The following CRACR2A variants were observed in gnomAD, a reference collection of about 807,000 sequenced individuals.
CRACR2A encodes the protein calcium release activated channel regulator 2A.
A neutral mutation model predicts 90.5 loss-of-function variants in CRACR2A; 79 were observed. The observed-to-expected ratio is 0.87, with a 90% confidence interval of 0.73 to 1.05. The LOEUF is 1.05. Ranked by LOEUF, CRACR2A falls within the 50% of genes least tolerant of loss-of-function variation. The pLI, the probability that CRACR2A is intolerant of heterozygous loss-of-function variation, is 0.00. For synonymous variants in CRACR2A, 338 were observed against 356.7 expected (o/e 0.95, Z 0.59); for missense variants, 823 against 897.2 (o/e 0.92, Z 1.06).
At chr12:3,666,381 G>A (rs1011650689) in intron 7 of CRACR2A, among the ~76,000 whole-genome samples, 8 of 152,066 alleles carry the variant, frequency 5.3e-5, no homozygotes, top group Non-Finnish European at 1.0e-4. Flanking sequence ...GCGCGCGCAC[G>A]CGCGCACACG....
At chr12:3,738,528 A>G (rs56187382) in intron 1 of CRACR2A, among the ~76,000 whole-genome samples, 23,892 of 152,218 alleles carry the variant, frequency 0.16, 2,076 homozygotes, top group African/African-American at 0.2. Flanking sequence ...GAGCAGATTA[A>G]ATACAGTTTG....
chr12:3,660,877 CACACACACACAA>C (rs1192865589), intron 7 of CRACR2A, among the ~76,000 whole-genome samples: 14 of 110,852 alleles, frequency 1.3e-4, no homozygotes, highest in African/African-American at 3.2e-4. Flanking sequence ...CACACACACA[CACACACACACAA>C]TTTTGGCCCC....
At chr12:3,739,873 G>T (rs1039331309) in intron 1 of CRACR2A, among the ~76,000 whole-genome samples, 1 of 151,050 alleles carries the variant, frequency 6.6e-6, no homozygotes, top group Non-Finnish European at 1.5e-5. Context: ...GTTGGAGGTT[G>T]CAGTGAGCCG....
rs2137768663 is a variant in CRACR2A, at chr12:3,711,292, T to C, written c.-37+1945A>G. Among the ~76,000 whole-genome samples the C allele has an allele frequency of 6.6e-6, 1 of 152,366 alleles. No individual in the cohort carries two copies. The highest frequency in any genetic ancestry group is 1.5e-5 in the Non-Finnish European group (1 of 68,028). On this transcript the variant is annotated intron_variant, in intron 3 of 19. Coordinates refer to ENST00000440314, the MANE Select transcript of CRACR2A (RefSeq NM_001144958.2). This position sits in a 1 kb window ranked among gnomAD's most constrained non-coding sequence, Gnocchi z 4.3. ...TCCAAGTCTTTAAGTTCTCTGCCTT[T>C]GACTCGCAATTTCATCTTAAGTCAT...
intron 7 of CRACR2A, among the ~76,000 whole-genome samples, chr12:3,664,054 C>T (rs544880824): frequency 1.3e-5 from 2 of 152,154 alleles, no homozygotes; most frequent in Non-Finnish European, 2.9e-5. Context: ...AATGACCTTC[C>T]AAGTTTCATT....
At chr12:3,689,739 AT>A (rs548747057) in intron 4 of CRACR2A, among the ~76,000 whole-genome samples, 3 of 148,998 alleles carry the variant, frequency 2.0e-5, no homozygotes, top group Non-Finnish European at 3.0e-5. Flanking sequence ...CTCCTCCTCA[AT>A]TTTTTTTAAT....
chr12:3,680,370 A>G, intron 4 of CRACR2A, 21 bp from the exon 5 acceptor site: 1 of 1,587,550 alleles, frequency 6.3e-7, no homozygotes, highest in African/African-American at 1.3e-5. Flanking sequence ...CCCAGAGTGT[A>G]CTGGTTAACA....
chr12:3,649,876 A>C (rs572265461), intron 10 of CRACR2A, among the ~76,000 whole-genome samples: 1 of 150,976 alleles, frequency 6.6e-6, no homozygotes, highest in South Asian at 2.1e-4. Flanking sequence ...AAGAAAAAAG[A>C]GGAAGGAAAG....
chr12:3,741,918 G>C (rs951198122), intron 1 of CRACR2A, among the ~76,000 whole-genome samples: 4 of 152,224 alleles, frequency 2.6e-5, no homozygotes, highest in African/African-American at 9.7e-5. Flanking sequence ...TAATGAAGTG[G>C]GCACATGTGT....
At chr12:3,682,090 G>A (rs1945465890) in intron 4 of CRACR2A, among the ~76,000 whole-genome samples, 2 of 152,178 alleles carry the variant, frequency 1.3e-5, no homozygotes, top group Admixed American at 1.3e-4. Context: ...TGCAAGCAGG[G>A]ATTTTATTAG....
At chr12:3,743,570 C>T (rs570584562) in intron 1 of CRACR2A, among the ~76,000 whole-genome samples, 58 of 152,226 alleles carry the variant, frequency 3.8e-4, no homozygotes, top group African/African-American at 6.7e-4. Context: ...GTGTCTATAC[C>T]GGGACTAGGT....
At chr12:3,621,485 C>T (rs1944132560) in intron 17 of CRACR2A, among the ~76,000 whole-genome samples, 1 of 148,344 alleles carries the variant, frequency 6.7e-6, no homozygotes, top group Admixed American at 6.7e-5. Flanking sequence ...AACCCTGTCT[C>T]TACTAAAAAT....
rs765987771 is a variant in CRACR2A, at chr12:3,633,541, C to A, written c.1735+63G>T. 6.5e-7 allele frequency: 1 copy of A among 1,547,402 alleles called. No individual in the cohort carries two copies. The highest frequency in any genetic ancestry group is 8.7e-7 in the Non-Finnish European group (1 of 1,144,070). On this transcript the variant is annotated intron_variant, in intron 15 of 19. Coordinates refer to ENST00000440314, the MANE Select transcript of CRACR2A (RefSeq NM_001144958.2). The surrounding 1 kb of genome is among the most constrained non-coding windows in gnomAD (Gnocchi z 4.5). ...CTTCTAACGCTCCCTGCCCCGGGCC[C>A]CCTTCTCACAAACTCCCTTCCCAAA...
Position 3,654,139 on chromosome 12 carries a change from C to T in CRACR2A, c.1046+73G>A, listed in dbSNP as rs144239334. On this transcript the variant is annotated intron_variant, in intron 10 of 19. Transcript: ENST00000440314. ...CAGGCAAGGAGACAGGGTCTCTGAG[C>T]GGCGAGGGGACATGCCCATAGTGGG... 1,812 of 1,538,582 alleles carry T rather than the reference C, an allele frequency of 1.2e-3. 19 individuals are homozygous for T. In the East Asian group the frequency reaches 0.021, roughly 17 times the overall value.
At chr12:3,750,147 G>A (rs1209737389) in intron 1 of CRACR2A, among the ~76,000 whole-genome samples, 1 of 151,884 alleles carries the variant, frequency 6.6e-6, no homozygotes, top group Non-Finnish European at 1.5e-5. Context: ...CGTTGGCCAG[G>A]CTGGTCTCGA....
intron 18 of CRACR2A, among the ~76,000 whole-genome samples, chr12:3,618,162 T>C (rs965404511): frequency 6.9e-6 from 1 of 145,102 alleles, no homozygotes; most frequent in African/African-American, 2.7e-5. Context: ...TAGTTTTTTT[T>C]TCACTAACAA....
intron 1 of CRACR2A, among the ~76,000 whole-genome samples, chr12:3,752,296 G>A (rs1384771141): frequency 1.3e-5 from 2 of 152,028 alleles, no homozygotes; most frequent in Non-Finnish European, 2.9e-5. Context: ...GCTGCATCCC[G>A]TGCATGCATG....
At chr12:3,663,786 G>A (rs965535407) in intron 7 of CRACR2A, among the ~76,000 whole-genome samples, 4 of 152,084 alleles carry the variant, frequency 2.6e-5, no homozygotes, top group African/African-American at 9.7e-5. Flanking sequence ...ACTTTTCTTG[G>A]CAGCCACATT....
chr12:3,639,847 T>G (rs1434490445), intron 13 of CRACR2A, among the ~76,000 whole-genome samples: 1 of 152,182 alleles, frequency 6.6e-6, no homozygotes, highest in Non-Finnish European at 1.5e-5. Context: ...AAAAGCCAAA[T>G]GTCTTCTTTC....
Sources: gnomAD v4.1 joint callset for allele counts (sites outside exome capture counted in the v4.1 genomes callset) on GRCh38, gnomAD v4.1.1 for gene constraint, Gnocchi (gnomAD v3.1) non-coding constraint, MANE v1.5 for transcripts, NCBI Gene and HGNC (gene_info 2026-07-23, HGNC 2026-07-21) for gene names.